The following POC1B variants were observed in gnomAD, a reference collection of about 807,000 sequenced individuals.
POC1B encodes the protein POC1 centriolar protein B.
POC1B carries 44 observed loss-of-function variants against 60.6 expected under a neutral mutation model. The observed-to-expected ratio is 0.73, with a 90% confidence interval of 0.57 to 0.93. The LOEUF (loss-of-function observed/expected upper bound fraction) is 0.93, where lower values mean the gene tolerates loss of function less well. POC1B is among the 40% of genes least tolerant of loss of function. The pLI, the probability that POC1B is intolerant of heterozygous loss-of-function variation, is 0.00. For missense variants in POC1B, 555 were observed against 572.3 expected, an observed-to-expected ratio of 0.97 and a Z score of 0.31; for synonymous variants, 180 against 198.9, an observed-to-expected ratio of 0.90 and a Z score of 0.80.
Position 89,421,187 on chromosome 12 carries a change from T to C in POC1B, c.1403A>G (p.Gln468Arg), listed in dbSNP as rs1270821671. The part of the protein sequence containing the change: ...DKLKDCLENQ[Q>R]KLFSAVQQKS ...CTGTTGGACAGCACTGAAAAGCTTT[T>C]GCTGATTTTCAAGGCAGTCTTTCAG... Residue 468 changes from glutamine (Q) to arginine (R), a missense_variant, in exon 12 of 12, where the codon CAA becomes CGA. Gln to Arg is a conservative substitution (Grantham distance 43). Coordinates refer to ENST00000313546, the MANE Select transcript of POC1B (RefSeq NM_172240.3). The C allele has an allele frequency of 2.5e-6, 4 of 1,602,278 alleles. No individual in the cohort carries two copies. The highest frequency in any genetic ancestry group is 4.5e-5 in the East Asian group (2 of 44,600).
At chr12:89,487,430 T>C (rs774300460) in intron 4 of POC1B, among the ~76,000 whole-genome samples, 7 of 152,116 alleles carry the variant, frequency 4.6e-5, no homozygotes, top group African/African-American at 7.2e-5. Context: ...GGTTCCAGAG[T>C]TTCTCCCTAA....
intron 10 of POC1B, among the ~76,000 whole-genome samples, chr12:89,432,182 G>A (rs1005384483): frequency 6.6e-6 from 1 of 151,842 alleles, no homozygotes; most frequent in Non-Finnish European, 1.5e-5. Context: ...TCAAGAGTTT[G>A]AGACCAGCCT....
intron 4 of POC1B, among the ~76,000 whole-genome samples, chr12:89,483,158 T>C (rs1448929880): frequency 6.6e-6 from 1 of 152,152 alleles, no homozygotes; most frequent in East Asian, 1.9e-4. Context: ...CACCTTGGCC[T>C]CCCAAAGTGC....
chr12:89,438,853 G>A (rs1042169029), intron 10 of POC1B, among the ~76,000 whole-genome samples: 6 of 152,244 alleles, frequency 3.9e-5, no homozygotes, highest in Middle Eastern at 3.4e-3. Flanking sequence ...ACAGATATGT[G>A]TACACAACTG....
intron 4 of POC1B, among the ~76,000 whole-genome samples, chr12:89,473,911 T>C (rs1235298030): frequency 6.6e-6 from 1 of 151,108 alleles, no homozygotes; most frequent in Non-Finnish European, 1.5e-5. Flanking sequence ...GGCATAATAA[T>C]TATAAAAAAC....
chr12:89,409,849 G>A, the POC1B span, among the ~76,000 whole-genome samples: 2 of 152,182 alleles, frequency 1.3e-5, no homozygotes, highest in Admixed American at 6.5e-5. Context: ...GGAGCAGACA[G>A]ATTCACAGCT....
At chr12:89,500,696 A>T in intron 2 of POC1B, 1 of 1,432,144 alleles carries the variant, frequency 7.0e-7, no homozygotes, top group Non-Finnish European at 9.7e-7. Context: ...GGTTTCACTT[A>T]AAACCAAAAA....
intron 2 of POC1B, chr12:89,524,422 T>G: frequency 6.2e-7 from 1 of 1,613,928 alleles, no homozygotes; most frequent in South Asian, 1.1e-5. Flanking sequence ...TGACCCCAGC[T>G]CCCTGGCACG....
chr12:89,513,928 T>TA (rs1870310018), intron 2 of POC1B, among the ~76,000 whole-genome samples: 1 of 152,224 alleles, frequency 6.6e-6, no homozygotes, highest in South Asian at 2.1e-4. Flanking sequence ...TTGGGCAAGT[T>TA]ACTGAAATTT....
chr12:89,522,748 G>C, intron 2 of POC1B: 1 of 1,504,756 alleles, frequency 6.6e-7, no homozygotes. Flanking sequence ...TCTTCACTGA[G>C]GCTCTTAAGG....
chr12:89,497,285 G>A lies in POC1B; in HGVS notation c.158C>T (p.Ala53Val). 6.2e-7 allele frequency: 1 copy of A among 1,613,120 alleles called. No individual in the cohort carries two copies. The highest frequency in any genetic ancestry group is 8.5e-7 in the Non-Finnish European group (1 of 1,179,914). The change falls in exon 3 of 12, where the codon GCT (alanine) becomes GTT (valine). Residue 53 changes from alanine to valine, a missense_variant. Physicochemically the swap from Ala to Val is moderately conservative, Grantham distance 64. Coordinates refer to ENST00000313546, the MANE Select transcript of POC1B (RefSeq NM_172240.3). ...MLWNFKPHARAYRYVGHKDVV... is the reference protein window; with the variant it reads ...MLWNFKPHARVYRYVGHKDVV... ...ATCCTTGTGACCCACATATCTGTAA[G>A]CTCTAGCATGTGGCTTGAAATTCCA...
intron 11 of POC1B, among the ~76,000 whole-genome samples, chr12:89,422,193 G>A (rs902904636): frequency 1.3e-5 from 2 of 152,076 alleles, no homozygotes; most frequent in African/African-American, 2.4e-5. Context: ...CACCCCAGAG[G>A]AGCCTTCCAC....
intron 10 of POC1B, among the ~76,000 whole-genome samples, chr12:89,435,955 T>G (rs930295183): frequency 4.0e-5 from 6 of 151,724 alleles, no homozygotes; most frequent in Admixed American, 6.6e-5. Flanking sequence ...TTGTTTGTTT[T>G]TTTTTTTTGA....
intron 11 of POC1B, among the ~76,000 whole-genome samples, chr12:89,424,101 A>G (rs1035801166): frequency 6.6e-6 from 1 of 152,248 alleles, no homozygotes; most frequent in African/African-American, 2.4e-5. Flanking sequence ...CATTGAGCAA[A>G]TCATATGATG....
intron 11 of POC1B, among the ~76,000 whole-genome samples, chr12:89,423,183 T>C (rs769569486): frequency 1.3e-5 from 2 of 152,182 alleles, no homozygotes; most frequent in Non-Finnish European, 2.9e-5. Context: ...TAACTTGTTG[T>C]TGCTGTTGTT....
At chr12:89,498,843 A>G (rs1869391041) in intron 2 of POC1B, among the ~76,000 whole-genome samples, 2 of 152,190 alleles carry the variant, frequency 1.3e-5, no homozygotes, top group African/African-American at 4.8e-5. Flanking sequence ...AAAAGCAAAT[A>G]AGATACAATC....
intron 2 of POC1B, among the ~76,000 whole-genome samples, chr12:89,506,652 G>A (rs1869910184): frequency 6.6e-6 from 1 of 152,156 alleles, no homozygotes; most frequent in African/African-American, 2.4e-5. Flanking sequence ...ATAATTTGCA[G>A]GGCCTAGTGC....
Position 89,420,975 on chromosome 12 carries a change from A to T in POC1B, c.*178T>A, listed in dbSNP as rs1880505219. The T allele has an allele frequency of 2.1e-6, 1 of 470,310 alleles. No homozygotes were observed. Among genetic ancestry groups the T allele is most frequent in the African/African-American group, 1.9e-5 (1 of 52,378 alleles). 29.1% of individuals were successfully genotyped at this position (470,310 alleles called of 1,614,324 possible). On this transcript the variant is annotated 3_prime_UTR_variant, in exon 12 of 12. Transcript: ENST00000313546. ...AGTCCTTCACATTGATATGTGTTTA[A>T]ATTAGTCCTTAGGTATGCCTTTTCT...
intron 2 of POC1B, among the ~76,000 whole-genome samples, chr12:89,518,893 C>T (rs573184331): frequency 3.3e-5 from 5 of 152,192 alleles, no homozygotes; most frequent in African/African-American, 1.2e-4. Context: ...ATGCTAAATG[C>T]AGCTATAAGA....
Sources: allele counts gnomAD v4.1 joint callset (sites outside exome capture counted in the v4.1 genomes callset), GRCh38; gene constraint gnomAD v4.1.1; transcripts MANE v1.5; gene names NCBI Gene and HGNC (gene_info 2026-07-23, HGNC 2026-07-21).